HIVEP3: variants seen among roughly 807,000 people sequenced by gnomAD.
HIVEP3 encodes the protein transcription factor HIVEP3.
In HIVEP3, 49 loss-of-function variants were observed where a neutral mutation model predicts 152.8. The observed-to-expected ratio is 0.32, with a 90% CI of 0.26 to 0.41. The LOEUF (loss-of-function observed/expected upper bound fraction) is 0.41, where lower values mean the gene tolerates loss of function less well. Ranked by LOEUF, HIVEP3 falls within the 10% of genes least tolerant of loss-of-function variation. HIVEP3 has a pLI of 1.00. For synonymous variants in HIVEP3, 1,269 were observed against 1,289.0 expected (o/e 0.98, Z 0.33); for missense variants, 2,790 against 3,103.3 (o/e 0.90, Z 2.40).
At chr1:41,891,671 C>T (rs1644449051) in intron 1 of HIVEP3, among the ~76,000 whole-genome samples, 1 of 152,194 alleles carries the variant, frequency 6.6e-6, no homozygotes, top group African/African-American at 2.4e-5. Context: ...CACGGCACTC[C>T]CCAGAAGTCC....
At chr1:41,718,849 C>T (rs1646636355) in intron 1 of HIVEP3, among the ~76,000 whole-genome samples, 1 of 152,170 alleles carries the variant, frequency 6.6e-6, no homozygotes, top group Non-Finnish European at 1.5e-5. Context: ...AAGACCTTGA[C>T]CCAGCCCAGA....
At chr1:41,577,595 C>T (rs1447121324) in intron 4 of HIVEP3, among the ~76,000 whole-genome samples, 2 of 152,156 alleles carry the variant, frequency 1.3e-5, no homozygotes, top group Non-Finnish European at 2.9e-5. Flanking sequence ...AGATCTATGA[C>T]CAAACAAAAA....
rs150697153 is a variant in HIVEP3 at position 42,005,372 on chromosome 1, C to T, written n.119+30435G>A. On this transcript the variant is annotated intron_variant and non_coding_transcript_variant, in intron 1 of 3. Transcript: ENST00000489103. ...ATATATATGTATACATGCACATATA[C>T]ATATATATGACACACACATGTGTAT... Among the ~76,000 whole-genome samples, 1,120 of 151,982 alleles carry T rather than the reference C, an allele frequency of 7.4e-3. 12 individuals are homozygous for T. The highest frequency in any genetic ancestry group is 0.026 in the African/African-American group (1,084 of 41,380).
At chr1:41,524,979 G>A (rs1309159189) in intron 5 of HIVEP3, 69 bp from the exon 6 acceptor site, 2 of 1,395,656 alleles carry the variant, frequency 1.4e-6, no homozygotes, top group African/African-American at 1.4e-5. Flanking sequence ...CTCAGAAGAC[G>A]CACGCGCTTC....
At chr1:41,775,726 T>C (rs568645145) in intron 1 of HIVEP3, among the ~76,000 whole-genome samples, 2 of 152,146 alleles carry the variant, frequency 1.3e-5, no homozygotes, top group East Asian at 1.9e-4. Flanking sequence ...CTGATCCTCA[T>C]GTGGTCCACC....
At position 41,652,122 on chromosome 1, in the gene HIVEP3, G is replaced by A. The variant is rs201051881; in HGVS notation, c.-720-23175C>T. ...ATAGCCAAGGAAAGGGAGGCTCAGA[G>A]ATGTCAAGTAACTTGTTTGAGGTAA... On this transcript the variant is annotated intron_variant, in intron 2 of 8. Coordinates refer to ENST00000372583, the MANE Select transcript of HIVEP3 (RefSeq NM_024503.5). 1.1e-4 allele frequency among the ~76,000 whole-genome samples: 16 copies of A among 152,292 alleles called. No individual in the cohort carries two copies. The East Asian group carries it at 1.5e-3, about 15-fold the overall frequency.
chr1:41,820,128 C>T (rs1367653572), intron 1 of HIVEP3, among the ~76,000 whole-genome samples: 1 of 152,120 alleles, frequency 6.6e-6, no homozygotes, highest in Non-Finnish European at 1.5e-5. Context: ...TATTCCATAT[C>T]CCCCATACAT....
chr1:41,734,885 G>T (rs186915965), intron 1 of HIVEP3, among the ~76,000 whole-genome samples: 1 of 152,336 alleles, frequency 6.6e-6, no homozygotes, highest in African/African-American at 2.4e-5. Context: ...CAGTGAAAAT[G>T]ATGAAATGAG....
rs1558109218 is a variant in HIVEP3, at chr1:41,605,377, A to ACG, written c.-521-20060_-521-20059insCG. Among the ~76,000 whole-genome samples the ACG allele has an allele frequency of 6.7e-5, 5 of 74,362 alleles. No homozygotes were observed. In the South Asian group the frequency reaches 1.8e-3, roughly 27 times the overall value. 48.8% of individuals were successfully genotyped at this position (74,362 alleles called of 152,430 possible). On this transcript the variant is annotated intron_variant, in intron 3 of 8. Transcript: ENST00000372583. Reference sequence around the variant, plus strand: ...ATTACATACACACACGCACACGCGCACACACACACACACACACACACACAC... The same window carrying ACG: ...ATTACATACACACACGCACACGCGCACGCACACACACACACACACACACACAC...
chr1:41,582,006 C>G lies in HIVEP3; in HGVS notation c.2792G>C (p.Ser931Thr). 1 of 1,614,128 alleles carries G rather than the reference C, an allele frequency of 6.2e-7. No homozygotes were observed. The highest frequency in any genetic ancestry group is 8.5e-7 in the Non-Finnish European group (1 of 1,180,004). The change falls in exon 4 of 9, where the codon AGC becomes ACC. Residue 931 changes from serine to threonine, a missense_variant. Around this residue, in one of 9 missense-constraint regions of HIVEP3, gnomAD observed 1,078 missense variants for 1,165.3 expected, o/e 0.93. Coordinates refer to ENST00000372583, the MANE Select transcript of HIVEP3 (RefSeq NM_024503.5). This position sits in a 1 kb window ranked among gnomAD's most constrained non-coding sequence, Gnocchi z 4.7. ...AGAGACATTGCTTTCCTGGCTCGGGCTGCGAGACAGAGGCACAGAGGACTC... is the reference window on the plus strand; with the variant it reads ...AGAGACATTGCTTTCCTGGCTCGGGGTGCGAGACAGAGGCACAGAGGACTC... ...SFESSVPLSR[S>T]PSQESNVSLS...
chr1:41,789,575 C>T (rs1285888232), intron 1 of HIVEP3, among the ~76,000 whole-genome samples: 2 of 152,168 alleles, frequency 1.3e-5, no homozygotes, highest in South Asian at 2.1e-4. Context: ...TTTGGCAGAC[C>T]TTATTGTTTA....
intron 1 of HIVEP3, among the ~76,000 whole-genome samples, chr1:41,753,592 C>A (rs888041689): frequency 1.3e-5 from 2 of 151,818 alleles, no homozygotes; most frequent in East Asian, 3.9e-4. Context: ...CACTTGAACT[C>A]GGGAGGCGGA....
intron 5 of HIVEP3, among the ~76,000 whole-genome samples, chr1:41,564,319 C>T (rs79021572): frequency 6.6e-6 from 1 of 152,220 alleles, no homozygotes; most frequent in African/African-American, 2.4e-5. Flanking sequence ...GTATGAAAAT[C>T]AGAGAAAACA....
intron 1 of HIVEP3, among the ~76,000 whole-genome samples, chr1:41,777,955 T>C (rs1454127825): frequency 1.3e-5 from 2 of 152,232 alleles, no homozygotes; most frequent in African/African-American, 4.8e-5. Flanking sequence ...GCTTGCAACG[T>C]CACACTTTCA....
At chr1:41,711,059 G>C (rs546272988) in intron 1 of HIVEP3, among the ~76,000 whole-genome samples, 2 of 152,208 alleles carry the variant, frequency 1.3e-5, no homozygotes, top group Non-Finnish European at 2.9e-5. Flanking sequence ...TGGACTCTCC[G>C]CTCTGCTGCG....
At chr1:41,974,088 T>C (rs1375835149) in intron 1 of HIVEP3, among the ~76,000 whole-genome samples, 1 of 152,020 alleles carries the variant, frequency 6.6e-6, no homozygotes, top group Non-Finnish European at 1.5e-5. Flanking sequence ...ATTCTTAGGC[T>C]GGAAGAGAGC....
chr1:41,683,453 T>G (rs1190212066), intron 2 of HIVEP3, among the ~76,000 whole-genome samples: 1 of 152,244 alleles, frequency 6.6e-6, no homozygotes, highest in Non-Finnish European at 1.5e-5. Context: ...GCTGGAGCTG[T>G]GAAGTGCTAA....
At chr1:41,748,796 A>T (rs1570452924) in intron 1 of HIVEP3, among the ~76,000 whole-genome samples, 1 of 152,306 alleles carries the variant, frequency 6.6e-6, no homozygotes, top group East Asian at 1.9e-4. Context: ...CCTGCCGCCC[A>T]CCAGCGGGGT....
At chr1:41,902,179 G>T (rs565122659) in intron 1 of HIVEP3, among the ~76,000 whole-genome samples, 1 of 152,202 alleles carries the variant, frequency 6.6e-6, no homozygotes, top group African/African-American at 2.4e-5. Context: ...GACACTAAAA[G>T]GAATGCTTAA....
Sources: allele counts gnomAD v4.1 joint callset (sites outside exome capture counted in the v4.1 genomes callset), GRCh38; gene constraint gnomAD v4.1.1; regional missense constraint gnomAD v4.1.1; non-coding constraint Gnocchi (gnomAD v3.1); transcripts MANE v1.5; gene names NCBI Gene and HGNC (gene_info 2026-07-23, HGNC 2026-07-21).